CHRNA9: variants seen among roughly 807,000 people sequenced by gnomAD.
The protein encoded by CHRNA9 is cholinergic receptor nicotinic alpha 9 subunit.
A neutral mutation model predicts 36.8 loss-of-function variants in CHRNA9; 24 were observed. That is an observed-to-expected ratio of 0.65 (90% CI 0.47 to 0.92). The LOEUF is 0.92. CHRNA9 is among the 40% of genes least tolerant of loss of function. CHRNA9 has a pLI of 0.00. For synonymous variants in CHRNA9, 231 were observed against 231.8 expected, an observed-to-expected ratio of 1.00 and a Z score of 0.03; for missense variants, 610 against 601.2, an observed-to-expected ratio of 1.01 and a Z score of -0.15.
At chr4:40,342,853 C>T (rs1712535792) in intron 3 of CHRNA9, among the ~76,000 whole-genome samples, 1 of 151,836 alleles carries the variant, frequency 6.6e-6, no homozygotes, top group Non-Finnish European at 1.5e-5. Flanking sequence ...GAAGAGGGAC[C>T]AAGGGAGGCA....
chr4:40,352,390 G>GTTTTTTTTTT (rs1297038920), intron 4 of CHRNA9, among the ~76,000 whole-genome samples: 1 of 151,874 alleles, frequency 6.6e-6, no homozygotes, highest in African/African-American at 2.4e-5. Context: ...CCCAGCTAAT[G>GTTTTTTTTTT]TTTTTTATAT....
At position 40,345,962 on chromosome 4, in the gene CHRNA9, T is replaced by C. The variant is rs189780720; in HGVS notation, c.366-2920T>C. On this transcript the variant is annotated intron_variant, in intron 3 of 4. Coordinates refer to ENST00000310169, the MANE Select transcript of CHRNA9 (RefSeq NM_017581.4). ...ATTGCTTGAACCCAGGAGGCAGAGG[T>C]TGCAGTTAACTGACATGGCGCCACT... Among the ~76,000 whole-genome samples the C allele has an allele frequency of 2.8e-4, 43 of 152,206 alleles. No homozygotes were observed. The East Asian group carries it at 7.7e-3, about 27-fold the overall frequency.
At chr4:40,352,648 T>A (rs558889827) in intron 4 of CHRNA9, among the ~76,000 whole-genome samples, 2 of 152,338 alleles carry the variant, frequency 1.3e-5, no homozygotes, top group East Asian at 3.9e-4. Flanking sequence ...TCAATTTTAT[T>A]ACTCTTTTCA....
At position 40,354,757 on chromosome 4, in the gene CHRNA9, C is replaced by CCTTTT; in HGVS notation, c.*237_*238insCTTTT. 1 of 430,096 alleles carries CCTTTT rather than the reference C, an allele frequency of 2.3e-6. No individual in the cohort carries two copies. Among genetic ancestry groups the CCTTTT allele is most frequent in the Admixed American group, 3.8e-5 (1 of 26,394 alleles). 26.6% of individuals were successfully genotyped at this position (430,096 alleles called of 1,614,324 possible). A position where few individuals can be genotyped will look rare whatever the true frequency, so the allele number is the denominator to read the frequency against. ...GGGAAAGAGCCCTTTTATAGCCCAC[C>CCTTTT]GTAGTGGTGGGTGACTGGCCTCTAG... On this transcript the variant is annotated 3_prime_UTR_variant, in exon 5 of 5. Coordinates refer to ENST00000310169, the MANE Select transcript of CHRNA9 (RefSeq NM_017581.4).
chr4:40,346,030 AAAC>A (rs145046393), intron 3 of CHRNA9, among the ~76,000 whole-genome samples: 1 of 151,634 alleles, frequency 6.6e-6, no homozygotes, highest in African/African-American at 2.4e-5. Context: ...CGTCTCAAAC[AAAC>A]AACAACAACA....
rs1277321737 is a variant in CHRNA9 at position 40,336,110 on chromosome 4, C to T, written c.210+138C>T. The T allele has an allele frequency of 8.2e-6, 6 of 727,934 alleles. No homozygotes were observed. The East Asian group carries it at 1.3e-4, about 15-fold the overall frequency. 45.1% of individuals were successfully genotyped at this position (727,934 alleles called of 1,614,324 possible). A position where few individuals can be genotyped will look rare whatever the true frequency, so the allele number is the denominator to read the frequency against. ...GCAAGCTGGTGGGAGAAGAGAATGT[C>T]GGGAAAAGGAAGCTTTCTACAAAAC... On this transcript the variant is annotated intron_variant, in intron 2 of 4. Coordinates refer to ENST00000310169, the MANE Select transcript of CHRNA9 (RefSeq NM_017581.4).
In CHRNA9 at chr4:40,348,973, AG is replaced by A. The variant is rs762548701; in HGVS notation, c.458del (p.Ser153ThrfsTer19). The A allele has an allele frequency of 8.7e-6, 14 of 1,614,182 alleles. No homozygotes were observed. In the South Asian group the frequency reaches 1.4e-4, roughly 16 times the overall value. ...ITWDAPAITK[S>X]SCVVDVTYFP... Reference sequence around the variant, plus strand: ...CTGGGATGCACCGGCCATCACCAAAAGCTCCTGTGTGGTGGATGTCACCTAC... The same window carrying A: ...CTGGGATGCACCGGCCATCACCAAAACTCCTGTGTGGTGGATGTCACCTAC... On this transcript the variant is annotated frameshift_variant, in exon 4 of 5. Transcript: ENST00000310169. LOFTEE classifies it high-confidence loss of function.
chr4:40,339,279 C>CAAAAAAAAAAAAAAAAAAAA (rs61634062), intron 3 of CHRNA9, among the ~76,000 whole-genome samples: 7 of 71,156 alleles, frequency 9.8e-5, no homozygotes, highest in East Asian at 4.4e-4. Context: ...GACTCCATCT[C>CAAAAAAAAAAAAAAAAAAAA]AAAAAAAAAA....
chr4:40,337,859 G>A (rs532551071), intron 3 of CHRNA9, among the ~76,000 whole-genome samples: 1 of 152,206 alleles, frequency 6.6e-6, no homozygotes, highest in Admixed American at 6.5e-5. Context: ...TCTTCACATG[G>A]CATTCTCCTG....
chr4:40,341,973 T>G (rs1043364455), intron 3 of CHRNA9, among the ~76,000 whole-genome samples: 23 of 152,180 alleles, frequency 1.5e-4, no homozygotes. Context: ...GGTCTTGAAT[T>G]CCTGGGCTCA....
At position 40,337,093 on chromosome 4, in the gene CHRNA9, A is replaced by T. The variant is rs1320879006; in HGVS notation, c.211-117A>T. 1.2e-5 allele frequency: 10 copies of T among 862,052 alleles called. No individual in the cohort carries two copies. The Admixed American group carries it at 2.2e-4, about 19-fold the overall frequency. 53.4% of individuals were successfully genotyped at this position (862,052 alleles called of 1,614,324 possible). A position where few individuals can be genotyped will look rare whatever the true frequency, so the allele number is the denominator to read the frequency against. On this transcript the variant is annotated intron_variant, in intron 2 of 4. Coordinates refer to ENST00000310169, the MANE Select transcript of CHRNA9 (RefSeq NM_017581.4). ...AAATAAAGAATAAAGCTCTCACTTT[A>T]CTTATTGAAATTTGATGAGTGTTTG...
Position 40,348,821 on chromosome 4 carries a change from G to C in CHRNA9, c.366-61G>C. On this transcript the variant is annotated intron_variant, in intron 3 of 4. Coordinates refer to ENST00000310169, the MANE Select transcript of CHRNA9 (RefSeq NM_017581.4). ...GTGATGGGGACAGTGAGCTGTCTGG[G>C]GTAAGGAAGGTGGCAAGTTCTCCTA... The C allele has an allele frequency of 2.0e-6, 3 of 1,530,854 alleles. No individual in the cohort carries two copies. The South Asian group carries it at 3.6e-5, about 18-fold the overall frequency. The allele number at this position is 1,530,854 out of a possible 1,614,324, so 94.8% of individuals were successfully genotyped here. A position where few individuals can be genotyped will look rare whatever the true frequency, so the allele number is the denominator to read the frequency against.
intron 3 of CHRNA9, among the ~76,000 whole-genome samples, chr4:40,341,586 T>C (rs752467971): frequency 1.2e-4 from 18 of 152,154 alleles, no homozygotes; most frequent in Admixed American, 4.6e-4. Flanking sequence ...TTTATTTACA[T>C]AGGGCGCAAC....
At chr4:40,339,563 G>A (rs1187100450) in intron 3 of CHRNA9, among the ~76,000 whole-genome samples, 4 of 151,212 alleles carry the variant, frequency 2.6e-5, no homozygotes, top group African/African-American at 9.7e-5. Context: ...GGCACCAGGA[G>A]GCTGAGGCAG....
chr4:40,348,642 G>A (rs138962061), intron 3 of CHRNA9, among the ~76,000 whole-genome samples: 10 of 152,310 alleles, frequency 6.6e-5, no homozygotes, highest in African/African-American at 1.7e-4. Flanking sequence ...TGGACAGGAA[G>A]GGACAGAGAG....
At chr4:40,338,881 C>CCTCT (rs35180880) in intron 3 of CHRNA9, among the ~76,000 whole-genome samples, 1 of 139,568 alleles carries the variant, frequency 7.2e-6, no homozygotes, top group African/African-American at 3.0e-5. Flanking sequence ...TCTCTCTCTC[C>CCTCT]CTCTCTCTCT....
At chr4:40,343,105 C>T (rs1712547115) in intron 3 of CHRNA9, among the ~76,000 whole-genome samples, 1 of 152,182 alleles carries the variant, frequency 6.6e-6, no homozygotes. Context: ...CCCTCATTTA[C>T]CAGCCTGCTC....
At chr4:40,344,427 G>C (rs965862705) in intron 3 of CHRNA9, among the ~76,000 whole-genome samples, 1 of 151,922 alleles carries the variant, frequency 6.6e-6, no homozygotes, top group Admixed American at 6.6e-5. Context: ...CCAGCTACTC[G>C]GGAGGCTGAA....
chr4:40,343,536 A>G (rs879325332), intron 3 of CHRNA9, among the ~76,000 whole-genome samples: 33 of 152,198 alleles, frequency 2.2e-4, no homozygotes, highest in African/African-American at 8.0e-4. Context: ...CTCCTGCAAC[A>G]TGTGGGAATT....
Sources: gnomAD v4.1 joint callset for allele counts (sites outside exome capture counted in the v4.1 genomes callset) on GRCh38, gnomAD v4.1.1 for gene constraint, MANE v1.5 for transcripts, NCBI Gene and HGNC (gene_info 2026-07-23, HGNC 2026-07-21) for gene names.